The following MEGF11 variants were observed in gnomAD, a reference collection of about 807,000 sequenced individuals.
The protein encoded by MEGF11 is multiple epidermal growth factor-like domains protein 11.
MEGF11 carries 126 observed loss-of-function variants against 146.6 expected under a neutral mutation model. That is an observed-to-expected ratio of 0.86 (90% CI 0.74 to 1.00). The LOEUF (loss-of-function observed/expected upper bound fraction) is 1.00. MEGF11 is among the 50% of genes least tolerant of loss of function. The pLI is 0.00. For missense variants in MEGF11, 1,509 were observed against 1,521.2 expected, an observed-to-expected ratio of 0.99 and a Z score of 0.13; for synonymous variants, 532 against 583.4, an observed-to-expected ratio of 0.91 and a Z score of 1.27.
chr15:65,944,895 C>T (rs1210909971), intron 10 of MEGF11, among the ~76,000 whole-genome samples: 1 of 148,836 alleles, frequency 6.7e-6, no homozygotes, highest in African/African-American at 2.5e-5. Context: ...TATAAACTCT[C>T]AGGTTTTTTT....
chr15:66,197,032 G>A (rs1239286583), intron 1 of MEGF11, among the ~76,000 whole-genome samples: 3 of 152,182 alleles, frequency 2.0e-5, no homozygotes, highest in African/African-American at 7.2e-5. Flanking sequence ...CATAAACTAT[G>A]TAACTATCTG....
intron 5 of MEGF11, among the ~76,000 whole-genome samples, chr15:66,078,645 C>T (rs2085698065): frequency 6.6e-6 from 1 of 152,202 alleles, no homozygotes; most frequent in African/African-American, 2.4e-5. Flanking sequence ...TCGTGAGTCC[C>T]CTCCTGGAGA....
chr15:66,012,793 C>G (rs2082750882), intron 5 of MEGF11, among the ~76,000 whole-genome samples: 1 of 152,238 alleles, frequency 6.6e-6, no homozygotes, highest in Admixed American at 6.5e-5. Context: ...TCAAGGCCAC[C>G]AGGCAGCAGC....
At chr15:65,899,771 A>G (rs921436392) in intron 24 of MEGF11, among the ~76,000 whole-genome samples, 5 of 152,136 alleles carry the variant, frequency 3.3e-5, no homozygotes, top group Non-Finnish European at 5.9e-5. Context: ...GTTCTTGTCA[A>G]TGCTAACTGA....
At chr15:66,197,056 G>A (rs1383366100) in intron 1 of MEGF11, among the ~76,000 whole-genome samples, 1 of 152,176 alleles carries the variant, frequency 6.6e-6, no homozygotes, top group Non-Finnish European at 1.5e-5. Context: ...ATATGCTGGA[G>A]ATTTTTCAAA....
rs555168951 is a variant in MEGF11 at position 65,979,331 on chromosome 15, A to C, written c.762+1447T>G. Among the ~76,000 whole-genome samples, 7 of 152,262 alleles carry C rather than the reference A, an allele frequency of 4.6e-5. No homozygotes were observed. In the South Asian group the frequency reaches 6.2e-4, roughly 14 times the overall value. On this transcript the variant is annotated intron_variant, in intron 7 of 25. Coordinates refer to ENST00000395614, the MANE Select transcript of MEGF11 (RefSeq NM_001385028.1). ...GTCAGGTTTGGATACTGTGGGACCA[A>C]GTGGTCCCCAAGGTCCTTTCCTGCC...
At chr15:66,088,392 C>T (rs1181440588) in intron 5 of MEGF11, among the ~76,000 whole-genome samples, 1 of 152,246 alleles carries the variant, frequency 6.6e-6, no homozygotes, top group African/African-American at 2.4e-5. Flanking sequence ...CGCAATGGCT[C>T]ACGCCTGTAA....
chr15:65,967,383 G>A (rs2141586616), intron 8 of MEGF11, among the ~76,000 whole-genome samples: 3 of 152,240 alleles, frequency 2.0e-5, no homozygotes, highest in Middle Eastern at 6.8e-3. Flanking sequence ...ATTATCATAT[G>A]TTTCCATTTT....
intron 5 of MEGF11, among the ~76,000 whole-genome samples, chr15:66,013,781 G>T (rs183409634): frequency 2.6e-5 from 4 of 152,326 alleles, no homozygotes; most frequent in Non-Finnish European, 1.5e-5. Flanking sequence ...AGAAGAGTGA[G>T]ACTTTGCACC....
chr15:66,230,910 G>C (rs144608901), intron 1 of MEGF11, among the ~76,000 whole-genome samples: 1,837 of 152,324 alleles, frequency 0.012, 34 homozygotes, highest in African/African-American at 0.042. Flanking sequence ...CACTCAGTCT[G>C]TGTGGACCCA....
At chr15:66,065,886 CCA>C (rs1397282800) in intron 5 of MEGF11, among the ~76,000 whole-genome samples, 1 of 152,164 alleles carries the variant, frequency 6.6e-6, no homozygotes, top group African/African-American at 2.4e-5. Context: ...TGGACAGTGT[CCA>C]CCCAGGTCTC....
intron 1 of MEGF11, among the ~76,000 whole-genome samples, chr15:66,183,457 G>T (rs1159944434): frequency 6.6e-6 from 1 of 150,486 alleles, no homozygotes; most frequent in African/African-American, 2.4e-5. Flanking sequence ...CCGAGATTGC[G>T]CCACTGCACT....
intron 10 of MEGF11, among the ~76,000 whole-genome samples, chr15:65,941,995 T>C (rs2080009063): frequency 2.6e-5 from 4 of 152,174 alleles, no homozygotes; most frequent in Admixed American, 2.6e-4. Flanking sequence ...CACTTTTTTT[T>C]TCCCTCTTAT....
intron 1 of MEGF11, among the ~76,000 whole-genome samples, chr15:66,178,252 C>T (rs539327863): frequency 6.6e-5 from 10 of 152,288 alleles, no homozygotes; most frequent in Non-Finnish European, 1.2e-4. Context: ...TCCCAAAGTG[C>T]TATGATTACA....
chr15:65,926,028 C>T (rs1422187425), intron 13 of MEGF11, among the ~76,000 whole-genome samples: 1 of 152,222 alleles, frequency 6.6e-6, no homozygotes. Flanking sequence ...TCCTTATGGA[C>T]AGGATGCCAT....
intron 1 of MEGF11, among the ~76,000 whole-genome samples, chr15:66,153,975 G>C (rs1272645733): frequency 6.6e-6 from 1 of 152,212 alleles, no homozygotes; most frequent in Non-Finnish European, 1.5e-5. Flanking sequence ...GGGCCCTGGT[G>C]ACGGGTATCA....
chr15:65,976,220 T>C (rs1371998003), intron 7 of MEGF11, among the ~76,000 whole-genome samples: 1 of 152,088 alleles, frequency 6.6e-6, no homozygotes, highest in Non-Finnish European at 1.5e-5. Flanking sequence ...TTTTTGTTTT[T>C]AGTAGAGACT....
At chr15:66,123,717 C>T (rs1390577407) in intron 3 of MEGF11, among the ~76,000 whole-genome samples, 182 bp downstream of exon 3, 1 of 152,214 alleles carries the variant, frequency 6.6e-6, no homozygotes, top group Non-Finnish European at 1.5e-5. Flanking sequence ...TCCAGCACTG[C>T]TGGCCTGTAC....
At chr15:66,012,528 T>C (rs2082741700) in intron 5 of MEGF11, among the ~76,000 whole-genome samples, 1 of 152,242 alleles carries the variant, frequency 6.6e-6, no homozygotes, top group African/African-American at 2.4e-5. Context: ...TGTCAATCGA[T>C]TTCCTATTTT....
Sources: gnomAD v4.1 joint callset for allele counts (sites outside exome capture counted in the v4.1 genomes callset) on GRCh38, gnomAD v4.1.1 for gene constraint, MANE v1.5 for transcripts, NCBI Gene and HGNC (gene_info 2026-07-23, HGNC 2026-07-21) for gene names.